GLI3: variants seen among roughly 807,000 people sequenced by gnomAD.
GLI3 encodes the protein transcription activator GLI3.
Under a neutral mutation model 100.8 loss-of-function variants are expected in GLI3, and 20 were observed. That is an observed-to-expected ratio of 0.20 (90% CI 0.14 to 0.29). GLI3 has a LOEUF of 0.29. Ranked by LOEUF, GLI3 falls within the 10% of genes least tolerant of loss-of-function variation. The pLI is 1.00. For synonymous variants in GLI3, 938 were observed against 860.5 expected, an observed-to-expected ratio of 1.09 and a Z score of -1.58; for missense variants, 2,040 against 2,128.5, an observed-to-expected ratio of 0.96 and a Z score of 0.82.
At chr7:42,186,186 C>A (rs1787713057) in intron 2 of GLI3, among the ~76,000 whole-genome samples, 1 of 152,152 alleles carries the variant, frequency 6.6e-6, no homozygotes, top group Admixed American at 6.5e-5. Flanking sequence ...CCCTGACAAC[C>A]CTCCTCCAAT....
chr7:42,215,252 C>T (rs775463107), intron 2 of GLI3, among the ~76,000 whole-genome samples: 17 of 152,078 alleles, frequency 1.1e-4, no homozygotes, highest in Admixed American at 2.6e-4. Context: ...ACTCATAGAA[C>T]GGCACACCAC....
chr7:42,243,404 C>T (rs1788943713), intron 1 of GLI3, among the ~76,000 whole-genome samples: 1 of 152,182 alleles, frequency 6.6e-6, no homozygotes, highest in Non-Finnish European at 1.5e-5. Context: ...GCATACAGTT[C>T]TGCTTTTTAT....
intron 4 of GLI3, among the ~76,000 whole-genome samples, chr7:42,057,459 C>T (rs1474882059): frequency 6.6e-6 from 1 of 152,194 alleles, no homozygotes; most frequent in African/African-American, 2.4e-5. Flanking sequence ...CCATATATTC[C>T]AGCAATCCTT....
chr7:41,998,275 C>T (rs1788187654), intron 10 of GLI3, among the ~76,000 whole-genome samples: 1 of 152,078 alleles, frequency 6.6e-6, no homozygotes, highest in Non-Finnish European at 1.5e-5. Flanking sequence ...GCTCAAATTC[C>T]AAGCATGTGA....
intron 4 of GLI3, among the ~76,000 whole-genome samples, chr7:42,075,999 A>G (rs748540481): frequency 2.0e-5 from 3 of 152,228 alleles, no homozygotes; most frequent in Admixed American, 6.5e-5. Flanking sequence ...TGATTATTAG[A>G]TATGAATAAA....
At chr7:42,055,282 C>T (rs959261335) in intron 4 of GLI3, among the ~76,000 whole-genome samples, 11 of 151,968 alleles carry the variant, frequency 7.2e-5, no homozygotes, top group Non-Finnish European at 1.6e-4. Context: ...GCCCTAGAAA[C>T]ACCACGTGAC....
chr7:42,212,042 T>G (rs1028079233), intron 2 of GLI3, among the ~76,000 whole-genome samples: 8 of 152,248 alleles, frequency 5.3e-5, no homozygotes, highest in African/African-American at 1.9e-4. Flanking sequence ...TCTAGGTGGA[T>G]GTAAGCCAAT....
At chr7:42,027,801 A>C (rs916073258) in intron 7 of GLI3, among the ~76,000 whole-genome samples, 20 of 152,214 alleles carry the variant, frequency 1.3e-4, no homozygotes, top group African/African-American at 4.8e-4. Context: ...TTCCTTAATA[A>C]AGGAAAGCAG....
chr7:42,056,074 T>C (rs1398877742), intron 4 of GLI3, among the ~76,000 whole-genome samples: 8 of 152,180 alleles, frequency 5.3e-5, no homozygotes, highest in African/African-American at 1.9e-4. Context: ...GAGAAGTGCC[T>C]TTCATCTTCC....
At chr7:42,146,675 A>G (rs1248028187) in intron 3 of GLI3, among the ~76,000 whole-genome samples, 1 of 152,222 alleles carries the variant, frequency 6.6e-6, no homozygotes, top group Non-Finnish European at 1.5e-5. Context: ...AATTTTTCTT[A>G]AAAAGTAAGT....
intron 1 of GLI3, among the ~76,000 whole-genome samples, chr7:42,249,628 C>A (rs958536805): frequency 4.3e-4 from 66 of 152,172 alleles, no homozygotes; most frequent in Non-Finnish European, 1.5e-4. Context: ...TCATAGGGTG[C>A]TTGTGAGACC....
intron 10 of GLI3, among the ~76,000 whole-genome samples, chr7:42,017,755 A>G (rs1788807928): frequency 6.6e-6 from 1 of 152,212 alleles, no homozygotes; most frequent in Non-Finnish European, 1.5e-5. Context: ...TTTAGCAACA[A>G]TTAATATAAA....
At chr7:42,047,360 C>T (rs966203567) in intron 5 of GLI3, among the ~76,000 whole-genome samples, 23 of 152,320 alleles carry the variant, frequency 1.5e-4, no homozygotes, top group African/African-American at 5.5e-4. Context: ...CACACCCAGC[C>T]TCAGGAAGGC....
chr7:42,162,679 A>C (rs770065360), intron 2 of GLI3, among the ~76,000 whole-genome samples: 4 of 152,206 alleles, frequency 2.6e-5, no homozygotes, highest in African/African-American at 4.8e-5. Flanking sequence ...TATCTACTCT[A>C]CTGCCTGTAG....
At chr7:42,221,567 C>A (rs1788488261) in intron 2 of GLI3, among the ~76,000 whole-genome samples, 1 of 152,204 alleles carries the variant, frequency 6.6e-6, no homozygotes, top group African/African-American at 2.4e-5. Context: ...CACCCTCACA[C>A]ACAGGCATGT....
intron 2 of GLI3, among the ~76,000 whole-genome samples, chr7:42,153,435 TA>T (rs996398897): frequency 1.3e-5 from 2 of 152,138 alleles, no homozygotes; most frequent in Non-Finnish European, 1.5e-5. Flanking sequence ...TCTAGGACTC[TA>T]AATTTGGTTT....
intron 3 of GLI3, among the ~76,000 whole-genome samples, chr7:42,137,506 G>A (rs1298299989): frequency 6.6e-6 from 1 of 151,950 alleles, no homozygotes; most frequent in Non-Finnish European, 1.5e-5. Flanking sequence ...GATCTCCCAG[G>A]GCAGCTTCTC....
chr7:42,131,808 A>C (rs111400913), intron 3 of GLI3, among the ~76,000 whole-genome samples: 1 of 152,314 alleles, frequency 6.6e-6, no homozygotes, highest in African/African-American at 2.4e-5. Context: ...CCCAATATAC[A>C]AGTAATAATA....
chr7:42,038,048 G>C (rs1784054269), intron 7 of GLI3, among the ~76,000 whole-genome samples: 1 of 152,240 alleles, frequency 6.6e-6, no homozygotes, highest in Non-Finnish European at 1.5e-5. Flanking sequence ...TTCATGAAGT[G>C]ATTTTGTGTG....
Sources: gnomAD v4.1 joint callset for allele counts (sites outside exome capture counted in the v4.1 genomes callset) on GRCh38, gnomAD v4.1.1 for gene constraint, MANE v1.5 for transcripts, NCBI Gene and HGNC (gene_info 2026-07-23, HGNC 2026-07-21) for gene names.